Variants in ANO1 observed in about 807,000 individuals in gnomAD.
ANO1 encodes the protein anoctamin 1, also known as anoctamin-1.
Under a neutral mutation model 124.0 loss-of-function variants are expected in ANO1, and 59 were observed. The observed-to-expected ratio is 0.48, with a 90% CI of 0.39 to 0.59. The LOEUF (loss-of-function observed/expected upper bound fraction) is 0.59. Among genes scored for constraint, ANO1 ranks in the 20% least tolerant of loss-of-function variants. ANO1 has a pLI of 0.00. For synonymous variants in ANO1, 529 were observed against 532.0 expected (o/e 0.99, Z 0.08); for missense variants, 1,059 against 1,328.0 (o/e 0.80, Z 3.15).
chr11:70,028,813 G>T (rs1045860316), intron 1 of ANO1, among the ~76,000 whole-genome samples: 2 of 152,118 alleles, frequency 1.3e-5, no homozygotes, highest in Non-Finnish European at 2.9e-5. Context: ...ATGAAATCTT[G>T]CTTTGTTGCC....
In ANO1 at chr11:70,052,531, C is replaced by CTTTTTTTT. The variant is rs200770702; in HGVS notation, c.59-25980_59-25973dup. 1.5e-3 allele frequency among the ~76,000 whole-genome samples: 98 copies of CTTTTTTTT among 65,846 alleles called. 7 individuals carry two copies. Among genetic ancestry groups the CTTTTTTTT allele is most frequent in the African/African-American group, 3.3e-3 (58 of 17,804 alleles). 43.2% of individuals were successfully genotyped at this position (65,846 alleles called of 152,430 possible). ...TTTGGGGAGAATTTCTTTTTCTTTT[C>CTTTTTTTT]TTTTTTTTTTTTTTTTTTTTTTTTT... On this transcript the variant is annotated intron_variant, in intron 1 of 27. Transcript: ENST00000531349.
chr11:70,126,991 T>TGC (rs2046544085), intron 10 of ANO1, among the ~76,000 whole-genome samples: 1 of 119,276 alleles, frequency 8.4e-6, no homozygotes. Flanking sequence ...AGGTGAGACA[T>TGC]GAATGCTAGA....
rs757934686 is a variant in ANO1 at position 70,088,074 on chromosome 11, G to C, written c.431G>C (p.Arg144Pro). The C allele has an allele frequency of 9.9e-6, 13 of 1,317,546 alleles. No individual in the cohort carries two copies. The Admixed American group carries it at 2.5e-4, about 26-fold the overall frequency. 81.6% of individuals were successfully genotyped at this position (1,317,546 alleles called of 1,614,324 possible). ...CTGGAGGCGGGCCTGGAGCTGGAGC[G>C]GGACGAGGACGTAACTATCTCACTG... is the stretch of plus-strand genomic sequence containing the variant. ...NLLEAGLELERDEDTKIHGVG... is the reference protein window; with the variant it reads ...NLLEAGLELEPDEDTKIHGVG... Residue 144 changes from arginine to proline, a missense_variant, in exon 2 of 26, where the codon CGG becomes CCG. Coordinates refer to ENST00000355303, the MANE Select transcript of ANO1 (RefSeq NM_018043.7).
At chr11:70,184,856 C>G (rs1410149141) in intron 24 of ANO1, among the ~76,000 whole-genome samples, 1 of 152,122 alleles carries the variant, frequency 6.6e-6, no homozygotes, top group Non-Finnish European at 1.5e-5. Flanking sequence ...AGGTGATCCT[C>G]CCACCTCAGC....
At chr11:70,086,186 G>A (rs952586690) in intron 1 of ANO1, among the ~76,000 whole-genome samples, 1 of 152,244 alleles carries the variant, frequency 6.6e-6, no homozygotes, top group Non-Finnish European at 1.5e-5. Context: ...ACAGCTCTGT[G>A]GACCATTAGC....
At chr11:70,105,537 C>T (rs2045489242) in intron 4 of ANO1, among the ~76,000 whole-genome samples, 197 bp from the exon 5 acceptor site, 1 of 152,192 alleles carries the variant, frequency 6.6e-6, no homozygotes, top group South Asian at 2.1e-4. Flanking sequence ...TCTCAGGCCT[C>T]GCCCAGGTGC....
intron 22 of ANO1, among the ~76,000 whole-genome samples, chr11:70,172,364 T>A (rs2048512938): frequency 6.6e-6 from 1 of 152,076 alleles, no homozygotes; most frequent in African/African-American, 2.4e-5. Flanking sequence ...GGACCAATTT[T>A]CAGGGTGAAA....
chr11:70,038,544 G>A (rs781948891), intron 1 of ANO1, among the ~76,000 whole-genome samples: 10 of 151,958 alleles, frequency 6.6e-5, no homozygotes, highest in African/African-American at 9.7e-5. Flanking sequence ...TTGATTTTGC[G>A]ACACCGAGCA....
chr11:69,988,202 CCA>C (rs1312625098), intron 1 of ANO1, among the ~76,000 whole-genome samples: 2 of 152,168 alleles, frequency 1.3e-5, no homozygotes, highest in African/African-American at 4.8e-5. Context: ...ATTTAAAAAG[CCA>C]CAGAGTTGGA....
intron 1 of ANO1, among the ~76,000 whole-genome samples, chr11:70,010,676 A>G (rs1478553263): frequency 1.3e-5 from 2 of 152,180 alleles, no homozygotes; most frequent in Non-Finnish European, 2.9e-5. Flanking sequence ...TCAAACAGCA[A>G]TGGAATCAGT....
At chr11:69,973,043 A>G in the ANO1 span, among the ~76,000 whole-genome samples, 2 of 151,726 alleles carry the variant, frequency 1.3e-5, no homozygotes, top group Admixed American at 6.6e-5. Flanking sequence ...CTGAGTAGCT[A>G]GAATTACAGG....
At chr11:70,163,508 C>T in intron 19 of ANO1, 168 bp downstream of exon 19, 1 of 784,066 alleles carries the variant, frequency 1.3e-6, no homozygotes, top group African/African-American at 1.7e-5. Context: ...GTGGGGTGGG[C>T]TTTAATCTTA....
chr11:70,135,360 C>T (rs78276142), intron 11 of ANO1, among the ~76,000 whole-genome samples: 8 of 152,190 alleles, frequency 5.3e-5, no homozygotes, highest in African/African-American at 1.4e-4. Context: ...GTTAAGGAGA[C>T]GCTGGCGGGC....
intron 1 of ANO1, among the ~76,000 whole-genome samples, chr11:70,060,832 G>A (rs1857556373): frequency 6.6e-6 from 1 of 152,192 alleles, no homozygotes; most frequent in African/African-American, 2.4e-5. Flanking sequence ...TTGGATTTCA[G>A]CTGTGTGTAA....
chr11:70,176,211 T>C (rs1324519417), intron 22 of ANO1, among the ~76,000 whole-genome samples: 1 of 150,120 alleles, frequency 6.7e-6, no homozygotes, highest in Non-Finnish European at 1.5e-5. Context: ...CAGGCTGAAG[T>C]GCAATGGCAT....
chr11:70,018,948 C>T (rs951673652), intron 1 of ANO1, among the ~76,000 whole-genome samples: 2 of 152,192 alleles, frequency 1.3e-5, no homozygotes, highest in African/African-American at 2.4e-5. Flanking sequence ...TCCTCCCAGC[C>T]GTTCACACAC....
At position 70,182,673 on chromosome 11, in the gene ANO1, G is replaced by C. The variant is rs371604155; in HGVS notation, c.2575G>C (p.Val859Leu). Residue 859 changes from valine to leucine, a missense_variant, in exon 24 of 26, where the codon GTG (valine) becomes CTG (leucine). Val to Leu is a conservative substitution (Grantham distance 32). Coordinates refer to ENST00000355303, the MANE Select transcript of ANO1 (RefSeq NM_018043.7). ...TGACCCCCTGGACCTGGGCTACGAG[G>C]TGCAGATCTGCAGGTACTGCTCTCT... is the stretch of plus-strand genomic sequence containing the variant. ...PNDPLDLGYE[V>L]QICRYKDYRE... 1.3e-6 allele frequency: 2 copies of C among 1,596,438 alleles called. No individual in the cohort carries two copies. Among genetic ancestry groups the C allele is most frequent in the Non-Finnish European group, 1.7e-6 (2 of 1,171,338 alleles).
rs1380688571 is a variant in ANO1, at chr11:70,095,406, GAA to G, written c.441+7324_441+7325del. 7.9e-5 allele frequency among the ~76,000 whole-genome samples: 4 copies of G among 50,662 alleles called. 1 individual carries two copies. Among genetic ancestry groups the G allele is most frequent in the African/African-American group, 2.2e-4 (4 of 18,500 alleles). 33.2% of individuals were successfully genotyped at this position (50,662 alleles called of 152,430 possible). On this transcript the variant is annotated intron_variant, in intron 2 of 25. Transcript: ENST00000355303. ...AGAAAGAAAGAAAGAAAGAAAGAAA[GAA>G]AGAAAGAAAGAAAGAAAGAAAAGAA...
At chr11:70,125,969 T>G in intron 9 of ANO1, 92 bp from the exon 10 acceptor site, 38 of 1,462,574 alleles carry the variant, frequency 2.6e-5, no homozygotes, top group Non-Finnish European at 3.2e-5. Flanking sequence ...GCCCCTGGTT[T>G]GAGTTGCTCT....
Sources: gnomAD v4.1 joint callset for allele counts (sites outside exome capture counted in the v4.1 genomes callset) on GRCh38, gnomAD v4.1.1 for gene constraint, MANE v1.5 for transcripts, NCBI Gene and HGNC (gene_info 2026-07-23, HGNC 2026-07-21) for gene names.